Variants in TNRC6A observed in about 807,000 individuals in gnomAD.
TNRC6A encodes trinucleotide repeat containing adaptor 6A, also known as trinucleotide repeat-containing gene 6A protein.
In TNRC6A, 44 loss-of-function variants were observed where a neutral mutation model predicts 221.2. That is an observed-to-expected ratio of 0.20 (90% CI 0.16 to 0.26). TNRC6A has a LOEUF of 0.26. Among genes scored for constraint, TNRC6A ranks in the 10% least tolerant of loss-of-function variants. The pLI is 1.00. For synonymous variants in TNRC6A, 847 were observed against 838.5 expected (o/e 1.01, Z -0.18); for missense variants, 2,199 against 2,404.4 (o/e 0.91, Z 1.79).
At chr16:24,811,204 T>C (rs575718920) in intron 18 of TNRC6A, among the ~76,000 whole-genome samples, 1 of 152,180 alleles carries the variant, frequency 6.6e-6, no homozygotes, top group Admixed American at 6.5e-5. Flanking sequence ...CAGTCTGCCA[T>C]GCTAACCCTT....
chr16:24,694,653 CAAAAAAAAAAAAA>C (rs145287258), intron 2 of TNRC6A, among the ~76,000 whole-genome samples: 1 of 54,824 alleles, frequency 1.8e-5, no homozygotes, highest in Admixed American at 2.8e-4. Flanking sequence ...GACTCTGTCT[CAAAAAAAAAAAAA>C]AAAAAAAAAA....
chr16:24,675,702 C>CTCTCTCTATA (rs1180245687), intron 2 of TNRC6A, among the ~76,000 whole-genome samples: 10 of 33,268 alleles, frequency 3.0e-4, no homozygotes, highest in Non-Finnish European at 4.2e-4. Flanking sequence ...CTCTCTCTCT[C>CTCTCTCTATA]TATATATATA....
chr16:24,619,948 C>T (rs1769365353), intron 1 of TNRC6A, among the ~76,000 whole-genome samples: 1 of 152,072 alleles, frequency 6.6e-6, no homozygotes, highest in South Asian at 2.1e-4. Context: ...TTGAGACCAG[C>T]CTGGGCAACA....
Position 24,791,123 on chromosome 16 carries a change from T to G in TNRC6A, c.2481T>G (p.Ala827=), listed in dbSNP as rs545703822. 122 of 1,614,006 alleles carry G rather than the reference T, an allele frequency of 7.6e-5. No homozygotes were observed. In the South Asian group the frequency reaches 1.3e-3, roughly 17 times the overall value. The change falls in exon 6 of 25, where the codon GCT becomes GCG. Residue 827 remains alanine (A), a synonymous_variant. Transcript: ENST00000395799. The part of the protein sequence containing the change: ...NQWGNCKEEK[A]AWNDSQKNKQ... ...GGGGGAATTGCAAAGAGGAGAAGGC[T>G]GCATGGAATGACTCGCAAAAGAATA...
Position 24,777,297 on chromosome 16 carries a change from T to C in TNRC6A, c.528T>C (p.Ser176=). The C allele has an allele frequency of 6.2e-7, 1 of 1,614,100 alleles. No homozygotes were observed. The highest frequency in any genetic ancestry group is 1.1e-5 in the South Asian group (1 of 91,082). Residue 176 remains serine (S), a synonymous_variant, in exon 5 of 25, where the codon AGT becomes AGC. Coordinates refer to ENST00000395799, the MANE Select transcript of TNRC6A (RefSeq NM_014494.4). ...VKVLNSQSES[S]ALTNQQPQNN... The stretch of plus-strand genomic sequence containing the variant: ...TGTTAAACAGCCAGTCAGAAAGCAG[T>C]GCTTTAACAAATCAACAGCCACAAA...
At chr16:24,822,723 C>A in intron 23 of TNRC6A, 151 bp from the exon 24 acceptor site, 2 of 1,092,626 alleles carry the variant, frequency 1.8e-6, no homozygotes, top group Non-Finnish European at 2.6e-6. Context: ...GCTCTGCACC[C>A]CGTCAGAGCA....
chr16:24,665,154 T>C, intron 2 of TNRC6A: 1 of 342,924 alleles, frequency 2.9e-6, no homozygotes, highest in South Asian at 2.3e-5. Flanking sequence ...ACTGCAGCCT[T>C]GAACTCCTGG....
intron 2 of TNRC6A, among the ~76,000 whole-genome samples, chr16:24,680,970 T>C (rs2055522430): frequency 6.6e-6 from 1 of 151,800 alleles, no homozygotes; most frequent in Non-Finnish European, 1.5e-5. Context: ...GGTCTCACTG[T>C]ATTGCCCAGG....
chr16:24,663,847 A>G lies in TNRC6A; in HGVS notation n.402+22838A>G, dbSNP rs74013289. On this transcript the variant is annotated intron_variant and non_coding_transcript_variant, in intron 2 of 2. Coordinates refer to the TNRC6A transcript ENST00000566108. ...CACCATAAATCATGTTGTTAGCATCAACTACCCGGCATGGCCCAAGGCCCC... is the reference window on the plus strand; with the variant it reads ...CACCATAAATCATGTTGTTAGCATCGACTACCCGGCATGGCCCAAGGCCCC... 9.6e-3 allele frequency: 4,346 copies of G among 450,374 alleles called. 143 individuals are homozygous for G. Among genetic ancestry groups the G allele is most frequent in the African/African-American group, 0.074 (3,691 of 50,042 alleles). 27.9% of individuals were successfully genotyped at this position (450,374 alleles called of 1,614,324 possible).
intron 2 of TNRC6A, among the ~76,000 whole-genome samples, chr16:24,731,221 G>A (rs2056632736): frequency 6.6e-6 from 1 of 150,904 alleles, no homozygotes; most frequent in East Asian, 1.9e-4. Flanking sequence ...TTCACTTGTT[G>A]AAAATAAAAT....
chr16:24,679,721 C>T (rs567904852), intron 2 of TNRC6A, among the ~76,000 whole-genome samples: 59 of 152,274 alleles, frequency 3.9e-4, no homozygotes, highest in African/African-American at 1.3e-3. Flanking sequence ...AGGCAATCCA[C>T]CCGCCTCGGC....
In TNRC6A at chr16:24,824,769, T is replaced by TTA; in HGVS notation, c.*962_*963insTA. ...TCTCAGGAAAACCAGTTCCCCAGTT[T>TTA]AAAAAAAAAAAAAAAAATTCCTTGT... On this transcript the variant is annotated 3_prime_UTR_variant, in exon 25 of 25. Coordinates refer to ENST00000395799, the MANE Select transcript of TNRC6A (RefSeq NM_014494.4). 1 of 135,612 alleles carries TTA rather than the reference T, an allele frequency of 7.4e-6. No individual in the cohort carries two copies. Among genetic ancestry groups the TTA allele is most frequent in the East Asian group, 2.1e-4 (1 of 4,830 alleles). 8.4% of individuals were successfully genotyped at this position (135,612 alleles called of 1,614,324 possible).
intron 1 of TNRC6A, among the ~76,000 whole-genome samples, chr16:24,610,772 A>C: frequency 6.7e-6 from 1 of 149,248 alleles, no homozygotes; most frequent in East Asian, 2.0e-4. Flanking sequence ...AACCTCTCTC[A>C]CCTCTCACCT....
rs1978451 is a variant in TNRC6A at position 24,806,965 on chromosome 16, C to G, written c.4540+181C>G. ...AACCTGCTCCACATTCAGGGAAGGT[C>G]TCTCTCCTCAAGAAAATCACGATTT... On this transcript the variant is annotated intron_variant, in intron 17 of 24. Coordinates refer to ENST00000395799, the MANE Select transcript of TNRC6A (RefSeq NM_014494.4). 0.26 allele frequency among the ~76,000 whole-genome samples: 39,960 copies of G among 151,710 alleles called. 5,433 individuals are homozygous for G. The highest frequency in any genetic ancestry group is 0.32 in the Middle Eastern group (95 of 294).
intron 17 of TNRC6A, among the ~76,000 whole-genome samples, chr16:24,807,726 C>T (rs1031192594): frequency 6.9e-6 from 1 of 145,050 alleles, no homozygotes; most frequent in African/African-American, 2.6e-5. Flanking sequence ...TTTCCTAGGT[C>T]TCTTTTTTTC....
chr16:24,691,605 T>C (rs1307098885), intron 2 of TNRC6A, among the ~76,000 whole-genome samples: 3 of 151,916 alleles, frequency 2.0e-5, no homozygotes, highest in Non-Finnish European at 4.4e-5. Flanking sequence ...TCATCTCTAC[T>C]AAAAATACAA....
chr16:24,640,371 A>G (rs1031367609), intron 1 of TNRC6A, among the ~76,000 whole-genome samples: 1 of 150,418 alleles, frequency 6.6e-6, no homozygotes, highest in Non-Finnish European at 1.5e-5. Flanking sequence ...CTGCACTCCA[A>G]CCTGGGTGAC....
At chr16:24,778,241 C>G (rs1403438173) in intron 5 of TNRC6A, 3 of 978,076 alleles carry the variant, frequency 3.1e-6, no homozygotes, top group Non-Finnish European at 3.6e-6. Context: ...CCTGAGCAGT[C>G]TTTCCTAACT....
intron 11 of TNRC6A, among the ~76,000 whole-genome samples, chr16:24,802,996 A>T (rs569986331): frequency 6.6e-6 from 1 of 152,238 alleles, no homozygotes; most frequent in Non-Finnish European, 1.5e-5. Context: ...CAGAGCAGTC[A>T]GAATGAGGAG....
Sources: gnomAD v4.1 joint callset for allele counts (sites outside exome capture counted in the v4.1 genomes callset) on GRCh38, gnomAD v4.1.1 for gene constraint, MANE v1.5 for transcripts, NCBI Gene and HGNC (gene_info 2026-07-23, HGNC 2026-07-21) for gene names.